The following ANKRD36 variants were observed in gnomAD, a reference collection of about 807,000 sequenced individuals.
ANKRD36 encodes ankyrin repeat domain-containing protein 36A.
In ANKRD36, 179 loss-of-function variants were observed where a neutral mutation model predicts 278.1. The ratio of observed to expected loss-of-function variants is 0.64; its 90% confidence interval spans 0.57 to 0.73. The LOEUF is 0.73. Ranked by LOEUF, ANKRD36 falls within the 30% of genes least tolerant of loss-of-function variation. The pLI, the probability that ANKRD36 is intolerant of heterozygous loss-of-function variation, is 0.00. For synonymous variants in ANKRD36, 320 were observed against 641.1 expected, an observed-to-expected ratio of 0.50 and a Z score of 7.57; for missense variants, 1,159 against 1,956.7, an observed-to-expected ratio of 0.59 and a Z score of 7.69.
chr2:97,143,936 G>A (rs2043564919), intron 8 of ANKRD36, among the ~76,000 whole-genome samples: 2 of 152,088 alleles, frequency 1.3e-5, no homozygotes, highest in African/African-American at 4.8e-5. Flanking sequence ...CCACAGGGGT[G>A]TGAGAAATAA....
At chr2:97,122,702 G>A (rs1050359877) in intron 3 of ANKRD36, among the ~76,000 whole-genome samples, 185 bp from the exon 4 acceptor site, 8 of 151,270 alleles carry the variant, frequency 5.3e-5, no homozygotes, top group African/African-American at 1.9e-4. Context: ...TGAGGCAGAG[G>A]AGGTTGTTTC....
rs570035141 is a variant in ANKRD36, at chr2:97,113,866, G to C, written c.127G>C (p.Gly43Arg). Residue 43 changes from glycine to arginine, a missense_variant, in exon 1 of 76, where the codon GGT (glycine) becomes CGT (arginine). Transcript: ENST00000420699. Reference protein sequence around the residue: ...LKRIHRAVLHGNLEKLKYLLL... With the variant: ...LKRIHRAVLHRNLEKLKYLLL... ...GAGGATCCACAGAGCTGTCTTACATGGTAATCTAGAGAAACTGAAGTACCT... is the reference window on the plus strand; with the variant it reads ...GAGGATCCACAGAGCTGTCTTACATCGTAATCTAGAGAAACTGAAGTACCT... 10 of 1,613,144 alleles carry C rather than the reference G, an allele frequency of 6.2e-6. No individual in the cohort carries two copies. Among genetic ancestry groups the C allele is most frequent in the East Asian group, 2.3e-5 (1 of 44,242 alleles).
intron 22 of ANKRD36, among the ~76,000 whole-genome samples, chr2:97,177,780 G>A (rs1192817808): frequency 6.6e-6 from 1 of 151,924 alleles, no homozygotes; most frequent in Admixed American, 6.6e-5. Context: ...AGGACTTCAT[G>A]TCTAAAACAC....
chr2:97,185,683 C>A (rs201217673), intron 30 of ANKRD36, among the ~76,000 whole-genome samples, 173 bp downstream of exon 30: 162 of 151,728 alleles, frequency 1.1e-3, no homozygotes, highest in African/African-American at 3.7e-3. Context: ...GGTCTTGGAC[C>A]TGATCTTCGC....
intron 62 of ANKRD36, chr2:97,216,589 C>T (rs1414958691): frequency 1.3e-4 from 24 of 182,028 alleles, no homozygotes; most frequent in Non-Finnish European, 1.1e-5. Flanking sequence ...ATTATTACAC[C>T]ACGTGGGTGT....
chr2:97,120,650 A>G lies in ANKRD36; in HGVS notation c.486+2133A>G, dbSNP rs1008854651. Among the ~76,000 whole-genome samples, 4 of 152,044 alleles carry G rather than the reference A, an allele frequency of 2.6e-5. No homozygotes were observed. In the South Asian group the frequency reaches 6.3e-4, roughly 24 times the overall value. ...CAAAGTGGGTATTATGACTCTTAGTAACAATTTTTATTGTATTCTTGGGCC... is the reference window on the plus strand; with the variant it reads ...CAAAGTGGGTATTATGACTCTTAGTGACAATTTTTATTGTATTCTTGGGCC... On this transcript the variant is annotated intron_variant, in intron 3 of 75. Transcript: ENST00000420699.
Position 97,198,676 on chromosome 2 carries a change from T to C in ANKRD36, c.2755+18T>C. 4.6e-6 allele frequency: 7 copies of C among 1,535,800 alleles called. No homozygotes were observed. Among genetic ancestry groups the C allele is most frequent in the Non-Finnish European group, 6.2e-6 (7 of 1,135,868 alleles). ...TAAGAGAGGTAATTTTGAAAAGAGA[T>C]TTAATGTCATGTTCAGTGCAGATAG... On this transcript the variant is annotated intron_variant, in intron 44 of 75. Coordinates refer to ENST00000420699, the MANE Select transcript of ANKRD36 (RefSeq NM_001354587.1).
intron 17 of ANKRD36, among the ~76,000 whole-genome samples, chr2:97,159,491 T>C (rs2048307510): frequency 6.6e-6 from 1 of 151,822 alleles, no homozygotes; most frequent in African/African-American, 2.4e-5. Flanking sequence ...TTCAGTAAAG[T>C]GATGTCTTAT....
rs1210420916 is a variant in ANKRD36, at chr2:97,194,871, T to C, written c.2505T>C (p.Phe835=). The C allele has an allele frequency of 2.3e-5, 37 of 1,577,832 alleles. No individual in the cohort carries two copies. The highest frequency in any genetic ancestry group is 3.0e-5 in the Non-Finnish European group (35 of 1,167,120). The change falls in exon 40 of 76, where the codon TTT becomes TTC. Residue 835 remains phenylalanine, a synonymous_variant. Coordinates refer to ENST00000420699, the MANE Select transcript of ANKRD36 (RefSeq NM_001354587.1). ...CTACAAGTGATGAGAAGGATTCTTT[T>C]TCGAATATAACCAGAGGAAAAAAGG... ...LKATSDEKDS[F]SNITRGKKDG...
chr2:97,129,209 T>G (rs1415236272), intron 6 of ANKRD36, among the ~76,000 whole-genome samples: 4 of 152,178 alleles, frequency 2.6e-5, no homozygotes, highest in Non-Finnish European at 5.9e-5. Context: ...TGATTTGCAT[T>G]CCTCTGATGG....
chr2:97,179,326 G>C (rs2123122), intron 22 of ANKRD36, among the ~76,000 whole-genome samples: 1 of 151,596 alleles, frequency 6.6e-6, no homozygotes, highest in Non-Finnish European at 1.5e-5. Context: ...GCAGTAAAAT[G>C]TTCCAAATCA....
intron 67 of ANKRD36, among the ~76,000 whole-genome samples, chr2:97,226,044 G>A (rs2069453589): frequency 6.6e-6 from 1 of 151,816 alleles, no homozygotes; most frequent in South Asian, 2.1e-4. Context: ...ATTTGGGTTG[G>A]TTCCAAGTCT....
chr2:97,137,149 AT>A (rs202129983), intron 6 of ANKRD36, among the ~76,000 whole-genome samples: 9 of 149,982 alleles, frequency 6.0e-5, no homozygotes, highest in Non-Finnish European at 1.3e-4. Context: ...AAAGTTCATA[AT>A]TTTTTTTTTC....
At chr2:97,174,009 G>T (rs1038655354) in intron 22 of ANKRD36, among the ~76,000 whole-genome samples, 1 of 151,240 alleles carries the variant, frequency 6.6e-6, no homozygotes, top group African/African-American at 2.4e-5. Context: ...GTACTAAACA[G>T]ATAACTGCCA....
chr2:97,199,922 G>T (rs1379497863), intron 44 of ANKRD36, among the ~76,000 whole-genome samples: 1 of 151,890 alleles, frequency 6.6e-6, no homozygotes, highest in Non-Finnish European at 1.5e-5. Context: ...ATGAATGTTT[G>T]CAGTATAATG....
intron 46 of ANKRD36, 127 bp downstream of exon 46, chr2:97,200,652 C>T (rs1313067977): frequency 2.8e-6 from 4 of 1,434,238 alleles, no homozygotes; most frequent in African/African-American, 1.4e-5. Flanking sequence ...TTCTTCTTTT[C>T]TAACAAGTTC....
chr2:97,195,330 T>A (rs1371599998), intron 40 of ANKRD36, among the ~76,000 whole-genome samples: 2 of 151,960 alleles, frequency 1.3e-5, no homozygotes. Flanking sequence ...GAAGGAGAAC[T>A]GAGGAGACCC....
At chr2:97,219,469 T>A (rs1318253650) in intron 66 of ANKRD36, among the ~76,000 whole-genome samples, 1 of 152,038 alleles carries the variant, frequency 6.6e-6, no homozygotes, top group South Asian at 2.1e-4. Context: ...TTTTGTTTTG[T>A]TTTTTGTTTT....
chr2:97,223,035 GTC>G (rs968301913), intron 66 of ANKRD36, among the ~76,000 whole-genome samples: 5 of 151,354 alleles, frequency 3.3e-5, no homozygotes, highest in African/African-American at 1.2e-4. Context: ...TTATTAATAA[GTC>G]TGTGGAAATT....
Sources: gnomAD v4.1 joint callset for allele counts (sites outside exome capture counted in the v4.1 genomes callset) on GRCh38, gnomAD v4.1.1 for gene constraint, MANE v1.5 for transcripts, NCBI Gene and HGNC (gene_info 2026-07-23, HGNC 2026-07-21) for gene names.